CHST9: variants seen among roughly 807,000 people sequenced by gnomAD.
CHST9 encodes the protein carbohydrate sulfotransferase 9.
A neutral mutation model predicts 44.4 loss-of-function variants in CHST9; 41 were observed. The observed-to-expected ratio is 0.92, with a 90% CI of 0.72 to 1.20. The LOEUF (loss-of-function observed/expected upper bound fraction) is 1.20. CHST9 is among the 50% of genes most tolerant of loss of function. The probability of loss-of-function intolerance (pLI) is 0.00; values close to 1 mark genes in which losing one functional copy is unlikely to be tolerated. For synonymous variants in CHST9, 171 were observed against 178.4 expected, an observed-to-expected ratio of 0.96 and a Z score of 0.33; for missense variants, 504 against 516.5, an observed-to-expected ratio of 0.98 and a Z score of 0.23.
intron 4 of CHST9, among the ~76,000 whole-genome samples, chr18:26,948,413 G>A (rs2056196459): frequency 6.6e-6 from 1 of 152,106 alleles, no homozygotes; most frequent in South Asian, 2.1e-4. Flanking sequence ...ATCATACACA[G>A]ATTTGCATTT....
intron 1 of CHST9, among the ~76,000 whole-genome samples, chr18:27,158,107 T>C (rs1014086761): frequency 6.6e-6 from 1 of 152,194 alleles, no homozygotes; most frequent in Non-Finnish European, 1.5e-5. Flanking sequence ...TTTGTTTTTT[T>C]GTTTTTTTAA....
At chr18:27,179,607 AT>A (rs1375208840) in intron 1 of CHST9, among the ~76,000 whole-genome samples, 1 of 152,048 alleles carries the variant, frequency 6.6e-6, no homozygotes, top group Non-Finnish European at 1.5e-5. Flanking sequence ...AGGCAGCCCA[AT>A]TTAATGAAGA....
chr18:27,085,312 T>C (rs2058001298), intron 2 of CHST9, among the ~76,000 whole-genome samples: 2 of 152,014 alleles, frequency 1.3e-5, no homozygotes, highest in South Asian at 4.1e-4. Context: ...GCAAAATAAA[T>C]GATTAACAGA....
chr18:27,003,725 T>C (rs1308852603), intron 4 of CHST9, among the ~76,000 whole-genome samples: 2 of 152,176 alleles, frequency 1.3e-5, no homozygotes, highest in Non-Finnish European at 1.5e-5. Context: ...TGAATTAAAT[T>C]GGTTTTTGGG....
intron 1 of CHST9, among the ~76,000 whole-genome samples, chr18:27,183,497 T>C (rs923210554): frequency 2.6e-5 from 4 of 152,180 alleles, no homozygotes; most frequent in African/African-American, 7.2e-5. Context: ...TGCAAGGTGC[T>C]CATTTTCTGG....
intron 2 of CHST9, among the ~76,000 whole-genome samples, chr18:27,067,795 C>A (rs1033354528): frequency 6.6e-6 from 1 of 152,176 alleles, no homozygotes; most frequent in African/African-American, 2.4e-5. Flanking sequence ...TATTAAGCCC[C>A]TGTGTCCCTC....
At position 27,050,466 on chromosome 18, in the gene CHST9, G is replaced by A. The variant is rs191290601; in HGVS notation, c.122-1963C>T. On this transcript the variant is annotated intron_variant, in intron 2 of 5. Transcript: ENST00000618847. The stretch of plus-strand genomic sequence containing the variant: ...TAGTTACTGAGAAGTTAGGCCACAC[G>A]TTGAAGCTACATGTAAACTTTATCC... Among the ~76,000 whole-genome samples the A allele has an allele frequency of 2.7e-3, 409 of 152,250 alleles. 2 individuals are homozygous for A. Among genetic ancestry groups the A allele is most frequent in the Non-Finnish European group, 4.7e-3 (323 of 68,018 alleles).
At chr18:26,939,937 C>A (rs539338520) in intron 5 of CHST9, among the ~76,000 whole-genome samples, 1 of 152,270 alleles carries the variant, frequency 6.6e-6, no homozygotes, top group East Asian at 1.9e-4. Flanking sequence ...CCACTCCATA[C>A]CCCCTCCCCA....
chr18:27,004,241 C>T (rs1433295535), intron 4 of CHST9, among the ~76,000 whole-genome samples: 5 of 151,450 alleles, frequency 3.3e-5, no homozygotes, highest in Non-Finnish European at 4.4e-5. Flanking sequence ...TTTCCTCAGG[C>T]GAGGATTAAG....
chr18:27,091,708 T>C (rs138951612), intron 2 of CHST9, among the ~76,000 whole-genome samples: 2 of 152,376 alleles, frequency 1.3e-5, no homozygotes, highest in African/African-American at 4.8e-5. Flanking sequence ...GATAATCATG[T>C]GGCTTTTGTC....
At chr18:27,029,481 T>C (rs2057318230) in intron 3 of CHST9, among the ~76,000 whole-genome samples, 1 of 152,004 alleles carries the variant, frequency 6.6e-6, no homozygotes, top group Admixed American at 6.6e-5. Context: ...TTAAGGAAAT[T>C]TGTGACCAAA....
chr18:27,092,510 C>G (rs1306166803), intron 2 of CHST9, among the ~76,000 whole-genome samples: 1 of 152,068 alleles, frequency 6.6e-6, no homozygotes, highest in Admixed American at 6.5e-5. Context: ...TTTGCGCTTG[C>G]TTCTCTAGTT....
intron 2 of CHST9, among the ~76,000 whole-genome samples, chr18:27,106,287 G>A (rs2058220614): frequency 6.6e-6 from 1 of 152,126 alleles, no homozygotes; most frequent in South Asian, 2.1e-4. Context: ...AATTCTAAGA[G>A]TAAAATTAGT....
chr18:27,139,048 C>G (rs1281530531), intron 2 of CHST9, among the ~76,000 whole-genome samples: 1 of 152,154 alleles, frequency 6.6e-6, no homozygotes, highest in Non-Finnish European at 1.5e-5. Context: ...TACAGCTTCT[C>G]TTTACTTCCA....
intron 1 of CHST9, among the ~76,000 whole-genome samples, chr18:27,171,553 T>C (rs559308932): frequency 4.2e-4 from 64 of 152,322 alleles, no homozygotes; most frequent in Non-Finnish European, 8.2e-4. Flanking sequence ...TTTCTTAGTA[T>C]ACAGTAAAAC....
chr18:26,924,500 C>T, intron 5 of CHST9: 1 of 377,860 alleles, frequency 2.6e-6, no homozygotes, highest in Non-Finnish European at 3.6e-6. Context: ...GATTCATGGG[C>T]CTTGAAGGCA....
At chr18:27,113,190 GAA>G (rs34392939) in intron 2 of CHST9, among the ~76,000 whole-genome samples, 4,586 of 133,630 alleles carry the variant, frequency 0.034, 210 homozygotes, top group African/African-American at 0.11. Context: ...CTCCATCTCA[GAA>G]AAAAAAAAAA....
In CHST9 at chr18:27,067,054, C is replaced by T. The variant is rs970477493; in HGVS notation, c.122-18551G>A. On this transcript the variant is annotated intron_variant, in intron 2 of 5. Coordinates refer to ENST00000618847, the MANE Select transcript of CHST9 (RefSeq NM_031422.6). ...AACATTAAATTCCAGTAGTAGGACCCAATTTTCTAATTCTACTTTCTTGAA... is the reference window on the plus strand; with the variant it reads ...AACATTAAATTCCAGTAGTAGGACCTAATTTTCTAATTCTACTTTCTTGAA... Among the ~76,000 whole-genome samples the T allele has an allele frequency of 6.6e-5, 10 of 152,080 alleles. No individual in the cohort carries two copies. The South Asian group carries it at 1.7e-3, about 25-fold the overall frequency.
chr18:26,928,864 G>GT (rs1466288357), intron 5 of CHST9, among the ~76,000 whole-genome samples: 16 of 152,276 alleles, frequency 1.1e-4, no homozygotes, highest in African/African-American at 3.8e-4. Context: ...TGGAAGTCTG[G>GT]CTGGAGTGCA....
Sources: gnomAD v4.1 joint callset for allele counts (sites outside exome capture counted in the v4.1 genomes callset) on GRCh38, gnomAD v4.1.1 for gene constraint, MANE v1.5 for transcripts, NCBI Gene and HGNC (gene_info 2026-07-23, HGNC 2026-07-21) for gene names.